The following HELZ variants were observed in gnomAD, a reference collection of about 807,000 sequenced individuals.
The protein encoded by HELZ is helicase with zinc finger.
In HELZ, 23 loss-of-function variants were observed where a neutral mutation model predicts 218.2. The ratio of observed to expected loss-of-function variants is 0.11; its 90% CI spans 0.08 to 0.15. The LOEUF (loss-of-function observed/expected upper bound fraction) is 0.15, where lower values mean the gene tolerates loss of function less well. HELZ is among the 10% of genes least tolerant of loss of function. The pLI is 1.00. For synonymous variants in HELZ, 814 were observed against 829.4 expected, an observed-to-expected ratio of 0.98 and a Z score of 0.32; for missense variants, 1,813 against 2,353.7, an observed-to-expected ratio of 0.77 and a Z score of 4.75.
At chr17:67,187,820 G>C (rs1598392726) in intron 12 of HELZ, among the ~76,000 whole-genome samples, 1 of 152,098 alleles carries the variant, frequency 6.6e-6, no homozygotes, top group African/African-American at 2.4e-5. Context: ...TTGATTAAAG[G>C]CACCCTTGGC....
intron 17 of HELZ, among the ~76,000 whole-genome samples, chr17:67,158,694 G>A (rs966963675): frequency 2.0e-5 from 3 of 151,970 alleles, no homozygotes; most frequent in Admixed American, 6.6e-5. Flanking sequence ...ACAGACAGGT[G>A]TAAGTCTCTC....
chr17:67,145,136 C>T (rs2038454697), intron 21 of HELZ, among the ~76,000 whole-genome samples: 1 of 152,142 alleles, frequency 6.6e-6, no homozygotes, highest in Non-Finnish European at 1.5e-5. Context: ...TCCTGAAGTC[C>T]AGAACTCAAC....
intron 19 of HELZ, among the ~76,000 whole-genome samples, chr17:67,148,965 G>A (rs1157045464): frequency 6.6e-6 from 1 of 152,002 alleles, no homozygotes; most frequent in African/African-American, 2.4e-5. Flanking sequence ...CTGACAAAGG[G>A]CTCCCCAGCA....
chr17:67,088,365 G>A (rs2036457041), intron 31 of HELZ, among the ~76,000 whole-genome samples: 1 of 152,196 alleles, frequency 6.6e-6, no homozygotes, highest in Admixed American at 6.5e-5. Context: ...GGATTAAAAA[G>A]AAGGCAGAGA....
chr17:67,110,795 T>C (rs1222766520), intron 28 of HELZ, among the ~76,000 whole-genome samples: 1 of 152,238 alleles, frequency 6.6e-6, no homozygotes, highest in African/African-American at 2.4e-5. Context: ...AGAGACCATG[T>C]GGTCCCCAAG....
chr17:67,152,021 A>T (rs906179331), intron 17 of HELZ, among the ~76,000 whole-genome samples: 12 of 152,188 alleles, frequency 7.9e-5, no homozygotes, highest in Admixed American at 3.3e-4. Flanking sequence ...GCCAACAGAG[A>T]GTTCCAACAG....
intron 31 of HELZ, among the ~76,000 whole-genome samples, chr17:67,094,989 C>A (rs1007664358): frequency 6.6e-6 from 1 of 152,132 alleles, no homozygotes; most frequent in Non-Finnish European, 1.5e-5. Flanking sequence ...TAAAGTTTGC[C>A]GCATCAGTTG....
chr17:67,166,981 T>A (rs1294355691), intron 14 of HELZ, among the ~76,000 whole-genome samples: 1 of 152,320 alleles, frequency 6.6e-6, no homozygotes, highest in East Asian at 1.9e-4. Context: ...ATGTGAAGTA[T>A]CCAGTCGTGA....
intron 24 of HELZ, among the ~76,000 whole-genome samples, chr17:67,126,837 G>A (rs1002402429): frequency 1.4e-5 from 2 of 147,578 alleles, no homozygotes; most frequent in East Asian, 1.9e-4. Context: ...ACTCCAGCCC[G>A]GGCAACAGAG....
At chr17:67,099,422 T>C (rs1328044186) in intron 31 of HELZ, among the ~76,000 whole-genome samples, 1 of 152,172 alleles carries the variant, frequency 6.6e-6, no homozygotes, top group Admixed American at 6.5e-5. Context: ...CAACTCCATA[T>C]ATGATTGTGT....
chr17:67,169,829 A>G (rs1319125622), intron 13 of HELZ, among the ~76,000 whole-genome samples: 1 of 152,224 alleles, frequency 6.6e-6, no homozygotes, highest in African/African-American at 2.4e-5. Context: ...GTGCCTGTGA[A>G]ATTAACGAGT....
intron 31 of HELZ, among the ~76,000 whole-genome samples, chr17:67,089,570 T>A (rs964049732): frequency 6.6e-6 from 1 of 150,608 alleles, no homozygotes; most frequent in African/African-American, 2.4e-5. Flanking sequence ...TGAATATGAT[T>A]AATTTTTTAT....
At chr17:67,198,305 A>G (rs991633065) in intron 7 of HELZ, among the ~76,000 whole-genome samples, 1 of 152,260 alleles carries the variant, frequency 6.6e-6, no homozygotes, top group Non-Finnish European at 1.5e-5. Flanking sequence ...TGTAAGAATC[A>G]GTGACGACCC....
intron 17 of HELZ, 65 bp from the exon 18 acceptor site, chr17:67,151,289 A>G: frequency 8.1e-7 from 1 of 1,233,134 alleles, no homozygotes. Context: ...TAGTTATTAA[A>G]ACACTGACAT....
chr17:67,205,464 T>C (rs1025864339), intron 5 of HELZ, among the ~76,000 whole-genome samples: 5 of 152,186 alleles, frequency 3.3e-5, no homozygotes, highest in African/African-American at 1.2e-4. Flanking sequence ...AGATTAATTA[T>C]GCTAATTAGA....
chr17:67,109,533 G>C lies in HELZ; in HGVS notation c.4072C>G (p.Arg1358Gly). ...AGCTGGGGAAGGGGATGAAAGTGGC[G>C]ATTAGGGATTGCATACTGTGCGTGG... ...APHAQYAIPNRHFHPLPQLPR... is the reference protein window; with the variant it reads ...APHAQYAIPNGHFHPLPQLPR... The change falls in exon 29 of 33, where the codon CGC becomes GGC. Residue 1358 changes from arginine to glycine, a missense_variant. This residue lies in a region of HELZ where 938 missense variants were observed against 1,027.5 expected (regional missense o/e 0.91). Coordinates refer to ENST00000358691, the MANE Select transcript of HELZ (RefSeq NM_014877.4). The C allele has an allele frequency of 6.2e-7, 1 of 1,614,132 alleles. No individual in the cohort carries two copies. Among genetic ancestry groups the C allele is most frequent in the African/African-American group, 1.3e-5 (1 of 75,010 alleles).
chr17:67,166,647 G>C (rs570440218), intron 14 of HELZ, 39 bp from the exon 15 acceptor site: 1 of 1,602,006 alleles, frequency 6.2e-7, no homozygotes, highest in Admixed American at 1.7e-5. Flanking sequence ...CTGCATGAAA[G>C]CAAACATCAA....
chr17:67,125,753 T>C (rs1567821752), intron 24 of HELZ, among the ~76,000 whole-genome samples: 1 of 152,162 alleles, frequency 6.6e-6, no homozygotes, highest in Non-Finnish European at 1.5e-5. Context: ...TAATTAAAGT[T>C]ATAAATTTAA....
rs183613778 is a variant in HELZ, at chr17:67,123,101, G to T, written c.3499C>A (p.Pro1167Thr). 3.1e-6 allele frequency: 5 copies of T among 1,613,452 alleles called. No individual in the cohort carries two copies. The highest frequency in any genetic ancestry group is 2.7e-5 in the African/African-American group (2 of 74,906). Residue 1167 changes from proline to threonine, a missense_variant, in exon 26 of 33, where the codon CCT (proline) becomes ACT (threonine). Pro to Thr is a conservative substitution (Grantham distance 38). This residue lies in a region of HELZ where 938 missense variants were observed against 1,027.5 expected (regional missense o/e 0.91). Transcript: ENST00000358691. The stretch of plus-strand genomic sequence containing the variant: ...CCCAAATTTGGGTGAGGTCCAAGAG[G>T]GGGTGGAGGAGTATATGCTCTAATA... ...NPIRAYTPPP[P>T]LGPHPNLGKS... is the part of the protein sequence containing the mutation.
Sources: gnomAD v4.1 joint callset for allele counts (sites outside exome capture counted in the v4.1 genomes callset) on GRCh38, gnomAD v4.1.1 for gene constraint, gnomAD v4.1.1 regional missense constraint, MANE v1.5 for transcripts, NCBI Gene and HGNC (gene_info 2026-07-23, HGNC 2026-07-21) for gene names.